NOM1: variants seen among roughly 807,000 people sequenced by gnomAD.
NOM1 encodes nucleolar MIF4G domain-containing protein 1.
NOM1 carries 58 observed loss-of-function variants against 73.3 expected under a neutral mutation model. The ratio of observed to expected loss-of-function variants is 0.79; its 90% confidence interval spans 0.64 to 0.99. The LOEUF is 0.99. Among genes scored for constraint, NOM1 ranks in the 50% least tolerant of loss-of-function variants. The pLI is 0.00. For synonymous variants in NOM1, 487 were observed against 446.8 expected (o/e 1.09, Z -1.14); for missense variants, 1,226 against 1,131.9 (o/e 1.08, Z -1.19).
intron 2 of NOM1, among the ~76,000 whole-genome samples, chr7:156,953,884 A>G (rs57848116): frequency 0.19 from 28,805 of 152,130 alleles, 2,898 homozygotes; most frequent in East Asian, 0.29. Context: ...TTCATCTTGT[A>G]AAGACAGCAA....
At chr7:156,956,898 GTCC>G (rs752582664) in intron 3 of NOM1, among the ~76,000 whole-genome samples, 10 of 152,118 alleles carry the variant, frequency 6.6e-5, no homozygotes, top group Non-Finnish European at 1.2e-4. Context: ...GTACCTCCCT[GTCC>G]TCCTAGAGGA....
At chr7:156,967,195 T>A in intron 9 of NOM1, 103 bp downstream of exon 9, 1 of 1,332,638 alleles carries the variant, frequency 7.5e-7, no homozygotes, top group South Asian at 1.4e-5. Context: ...TTTCTTCGAT[T>A]CTGATTCATC....
rs1408598710 is a variant in NOM1, at chr7:156,959,908, G to A, written c.1366G>A (p.Gly456Arg). 1.4e-5 allele frequency: 23 copies of A among 1,614,040 alleles called. No homozygotes were observed. Among genetic ancestry groups the A allele is most frequent in the Middle Eastern group, 1.6e-4 (1 of 6,084 alleles). The change falls in exon 4 of 11, where the codon GGA becomes AGA. Residue 456 changes from glycine (G) to arginine (R), a missense_variant. By Grantham distance (125) the Gly-to-Arg change is moderately radical. Coordinates refer to ENST00000275820, the MANE Select transcript of NOM1 (RefSeq NM_138400.2). ...GAAGTTCGATGCCATCTATAAATAC[G>A]GAAGCGAAGGGAAAGAGTGTGACAA... ...VRKFDAIYKY[G>R]SEGKECDNLF...
intron 3 of NOM1, chr7:156,958,507 G>A (rs979519577): frequency 6.6e-6 from 1 of 152,118 alleles, no homozygotes; most frequent in Non-Finnish European, 1.5e-5. Context: ...CCCAGCTTAA[G>A]TTGAGATTTG....
At chr7:156,969,301 T>C (rs1805082124) in intron 10 of NOM1, 105 bp downstream of exon 10, 1 of 783,644 alleles carries the variant, frequency 1.3e-6, no homozygotes, top group African/African-American at 1.7e-5. Context: ...TGTAGCTTAA[T>C]CTTTTCGGTT....
rs1435306608 is a variant in NOM1, at chr7:156,970,863, TCTC to T, written c.*1164_*1166del. 8.5e-5 allele frequency: 13 copies of T among 152,144 alleles called. No individual in the cohort carries two copies. The highest frequency in any genetic ancestry group is 2.6e-4 in the African/African-American group (11 of 41,526). 9.4% of individuals were successfully genotyped at this position (152,144 alleles called of 1,614,324 possible). Reference sequence around the variant, plus strand: ...ATTCTCACACAGTTGAGGATATTCATCTCCTCACCAATTCCAGATTGTAAATGT... The same window carrying T: ...ATTCTCACACAGTTGAGGATATTCATCTCACCAATTCCAGATTGTAAATGT... On this transcript the variant is annotated 3_prime_UTR_variant, in exon 11 of 11. Coordinates refer to ENST00000275820, the MANE Select transcript of NOM1 (RefSeq NM_138400.2).
intron 3 of NOM1, among the ~76,000 whole-genome samples, chr7:156,955,828 C>G (rs549694192): frequency 4.6e-5 from 7 of 152,338 alleles, no homozygotes; most frequent in African/African-American, 1.7e-4. Flanking sequence ...ATTACTTTCT[C>G]TCAATTATAA....
At chr7:156,951,886 T>G (rs1316424728) in intron 1 of NOM1, among the ~76,000 whole-genome samples, 1 of 152,072 alleles carries the variant, frequency 6.6e-6, no homozygotes, top group African/African-American at 2.4e-5. Context: ...TTTTGTATTT[T>G]CAGTAGAGAT....
At chr7:156,952,799 C>G (rs546658385) in intron 2 of NOM1, among the ~76,000 whole-genome samples, 2 of 151,916 alleles carry the variant, frequency 1.3e-5, no homozygotes, top group Non-Finnish European at 2.9e-5. Flanking sequence ...CTTTGAATCC[C>G]TTTAGGGTTT....
At chr7:156,952,102 A>G (rs553281990) in intron 1 of NOM1, among the ~76,000 whole-genome samples, 1 of 152,158 alleles carries the variant, frequency 6.6e-6, no homozygotes, top group Non-Finnish European at 1.5e-5. Context: ...GGTTTGTTTA[A>G]TTTAGGTTCT....
At chr7:156,963,729 G>T (rs1804925940) in intron 6 of NOM1, 176 bp from the exon 7 acceptor site, 3 of 583,118 alleles carry the variant, frequency 5.1e-6, no homozygotes, top group Middle Eastern at 4.7e-4. Context: ...AGCGGCTGTG[G>T]CTTCACTATG....
chr7:156,952,344 A>G (rs1804614985), intron 1 of NOM1, 130 bp from the exon 2 acceptor site: 2 of 920,370 alleles, frequency 2.2e-6, no homozygotes, highest in Non-Finnish European at 3.3e-6. Context: ...TGATGTATTT[A>G]AGCAGCAATG....
rs116895828 is a variant in NOM1, at chr7:156,966,378, C to A, written c.2142C>A (p.Phe714Leu). 47 of 1,614,176 alleles carry A rather than the reference C, an allele frequency of 2.9e-5. No homozygotes were observed. In the East Asian group the frequency reaches 1.0e-3, roughly 35 times the overall value. Residue 714 changes from phenylalanine to leucine, a missense_variant, in exon 8 of 11, where the codon TTC becomes TTA. Transcript: ENST00000275820. ...NPFYAFLASK[F>L]CEYERRFQMT... Reference sequence around the variant, plus strand: ...TCTATGCTTTCCTGGCTAGCAAATTCTGTGAATATGAAAGGAGATTTCAGG... The same window carrying A: ...TCTATGCTTTCCTGGCTAGCAAATTATGTGAATATGAAAGGAGATTTCAGG...
chr7:156,954,006 A>G (rs1178559483), intron 2 of NOM1, 97 bp from the exon 3 acceptor site: 3 of 953,204 alleles, frequency 3.1e-6, no homozygotes, highest in Non-Finnish European at 4.8e-6. Flanking sequence ...AAAATAGAAT[A>G]TATTGTTGGT....
At position 156,952,516 on chromosome 7, in the gene NOM1, A is replaced by G. The variant is rs1804619781; in HGVS notation, c.1030A>G (p.Arg344Gly). 1 of 1,614,000 alleles carries G rather than the reference A, an allele frequency of 6.2e-7. No homozygotes were observed. Among genetic ancestry groups the G allele is most frequent in the South Asian group, 1.1e-5 (1 of 91,066 alleles). The change falls in exon 2 of 11, where the codon AGG becomes GGG. Residue 344 changes from arginine (R) to glycine (G), a missense_variant. By Grantham distance (125) the Arg-to-Gly change is moderately radical (BLOSUM62 -2). Coordinates refer to ENST00000275820, the MANE Select transcript of NOM1 (RefSeq NM_138400.2). ...SGEKYIPPHVRQAEETVDFKK... is the reference protein window; with the variant it reads ...SGEKYIPPHVGQAEETVDFKK... ...TGAAAAGTACATCCCACCTCATGTG[A>G]GGCAAGCTGAGGAGACAGTGGACTT...
At chr7:156,954,522 C>CTTTTTTTTTTTTTTCTTTT (rs1804672909) in intron 3 of NOM1, among the ~76,000 whole-genome samples, 1 of 101,660 alleles carries the variant, frequency 9.8e-6, no homozygotes, top group Non-Finnish European at 1.9e-5. Context: ...TCTGTCCATT[C>CTTTTTTTTTTTTTTCTTTT]TTTTTTTTTT....
Position 156,969,539 on chromosome 7 carries a change from A to T in NOM1, c.2419A>T (p.Asn807Tyr). 1 of 1,613,420 alleles carries T rather than the reference A, an allele frequency of 6.2e-7. No individual in the cohort carries two copies. Among genetic ancestry groups the T allele is most frequent in the Non-Finnish European group, 8.5e-7 (1 of 1,179,600 alleles). The stretch of plus-strand genomic sequence containing the variant: ...ACGATTCCTTTCCAGAGTATCTGAC[A>T]ACCCAAAGCTGGGGGTGTTACGTGA... ...LSLIFTRVSDNPKLGVLREGL... is the reference protein window; with the variant it reads ...LSLIFTRVSDYPKLGVLREGL... The change falls in exon 11 of 11, where the codon AAC (asparagine) becomes TAC (tyrosine). Residue 807 changes from asparagine to tyrosine, a missense_variant. Coordinates refer to ENST00000275820, the MANE Select transcript of NOM1 (RefSeq NM_138400.2).
In NOM1 at chr7:156,962,255, A is replaced by G; in HGVS notation, c.1737A>G (p.Arg579=). The change falls in exon 5 of 11, where the codon AGA becomes AGG. Residue 579 remains arginine (R), a synonymous_variant. Transcript: ENST00000275820. The stretch of plus-strand genomic sequence containing the variant: ...TGGAGAAGCTGAGGAAACTGCAGAG[A>G]GCTTTGGTGAGTCAAGGAACTTTCA... The part of the protein sequence containing the change: ...EPVEKLRKLQ[R]ALVRNAGSGS... 3 of 1,612,224 alleles carry G rather than the reference A, an allele frequency of 1.9e-6. No homozygotes were observed. Among genetic ancestry groups the G allele is most frequent in the East Asian group, 2.2e-5 (1 of 44,860 alleles).
At position 156,950,099 on chromosome 7, in the gene NOM1, G is replaced by A; in HGVS notation, c.362G>A (p.Gly121Asp). The A allele has an allele frequency of 6.5e-7, 1 of 1,548,816 alleles. No individual in the cohort carries two copies. The highest frequency in any genetic ancestry group is 2.0e-5 in the Admixed American group (1 of 51,172). Residue 121 changes from glycine to aspartate, a missense_variant, in exon 1 of 11, where the codon GGT becomes GAT. Coordinates refer to ENST00000275820, the MANE Select transcript of NOM1 (RefSeq NM_138400.2). The part of the protein sequence containing the change: ...GGRSGAEEAS[G>D]HRQDTEERAR... ...CGAAGCGGAGCCGAAGAAGCCAGCG[G>A]TCACCGGCAGGACACGGAGGAGCGC...
Sources: allele counts gnomAD v4.1 joint callset (sites outside exome capture counted in the v4.1 genomes callset), GRCh38; gene constraint gnomAD v4.1.1; transcripts MANE v1.5; gene names NCBI Gene and HGNC (gene_info 2026-07-23, HGNC 2026-07-21).